The following GABRA2 variants were observed in gnomAD, a reference collection of about 807,000 sequenced individuals.
GABRA2 encodes the protein gamma-aminobutyric acid type A receptor subunit alpha2.
GABRA2 carries 16 observed loss-of-function variants against 48.7 expected under a neutral mutation model. That is an observed-to-expected ratio of 0.33 (90% CI 0.22 to 0.50). GABRA2 has a LOEUF of 0.50. Ranked by LOEUF, GABRA2 falls within the 20% of genes least tolerant of loss-of-function variation. The probability of loss-of-function intolerance (pLI) is 0.98; values close to 1 mark genes in which losing one functional copy is unlikely to be tolerated. For missense variants in GABRA2, 275 were observed against 535.6 expected (o/e 0.51, Z 4.80); for synonymous variants, 185 against 184.5 (o/e 1.00, Z -0.02).
rs575128418 is a variant in GABRA2 at position 46,361,126 on chromosome 4, C to T, written c.187+24948G>A. ...ATTTTCTGAGGAGAAATTTAAGATA[C>T]CTCGAGAAACTTGCATTAGTAATGA... On this transcript the variant is annotated intron_variant, in intron 3 of 9. Transcript: ENST00000381620. Among the ~76,000 whole-genome samples the T allele has an allele frequency of 1.1e-3, 167 of 152,210 alleles. 2 individuals carry two copies. Among genetic ancestry groups the T allele is most frequent in the African/African-American group, 4.0e-3 (165 of 41,516 alleles).
intron 3 of GABRA2, among the ~76,000 whole-genome samples, chr4:46,376,351 C>G (rs1015026413): frequency 6.6e-6 from 1 of 152,096 alleles, no homozygotes; most frequent in South Asian, 2.1e-4. Context: ...GCTTATGGTC[C>G]AATTTATCCA....
Position 46,278,389 on chromosome 4 carries a change from G to C in GABRA2, c.857-16261C>G, listed in dbSNP as rs148779322. ...GTAGAGAAAATCTAGAGTTTAGAGAGGTAGTATAACTTACTCAAGCTAAAC... is the reference window on the plus strand; with the variant it reads ...GTAGAGAAAATCTAGAGTTTAGAGACGTAGTATAACTTACTCAAGCTAAAC... On this transcript the variant is annotated intron_variant, in intron 8 of 9. Transcript: ENST00000381620. Among the ~76,000 whole-genome samples the C allele has an allele frequency of 5.6e-3, 851 of 152,206 alleles. 4 individuals are homozygous for C. The highest frequency in any genetic ancestry group is 0.019 in the African/African-American group (804 of 41,528).
At chr4:46,270,830 A>G (rs1356580962) in intron 8 of GABRA2, among the ~76,000 whole-genome samples, 2 of 151,870 alleles carry the variant, frequency 1.3e-5, no homozygotes, top group South Asian at 2.1e-4. Flanking sequence ...GTAAAAATAC[A>G]CGCTGAGAAG....
chr4:46,358,308 G>A (rs528879163), intron 3 of GABRA2, among the ~76,000 whole-genome samples: 5 of 152,168 alleles, frequency 3.3e-5, no homozygotes, highest in South Asian at 2.1e-4. Context: ...ACTCTCTAAC[G>A]CTGAACTCAG....
chr4:46,332,821 G>A (rs1421083145), intron 3 of GABRA2, 139 bp from the exon 4 acceptor site: 7 of 539,812 alleles, frequency 1.3e-5, no homozygotes, highest in East Asian at 3.0e-5. Context: ...GTCAACTTTC[G>A]CAACCATAAT....
intron 8 of GABRA2, among the ~76,000 whole-genome samples, chr4:46,281,636 G>A (rs1721555397): frequency 6.6e-6 from 1 of 152,158 alleles, no homozygotes; most frequent in Non-Finnish European, 1.5e-5. Context: ...TAGCAGTGTG[G>A]CAGACCTTGC....
chr4:46,306,506 T>A (rs1726723514), intron 6 of GABRA2, among the ~76,000 whole-genome samples: 1 of 152,168 alleles, frequency 6.6e-6, no homozygotes, highest in Non-Finnish European at 1.5e-5. Flanking sequence ...TTTTCTTACA[T>A]CTCTATGCCC....
intron 3 of GABRA2, among the ~76,000 whole-genome samples, chr4:46,344,036 T>A (rs1014804437): frequency 4.6e-5 from 7 of 151,992 alleles, no homozygotes; most frequent in African/African-American, 1.7e-4. Flanking sequence ...TGTTCCATGA[T>A]GCTAGCTATT....
intron 6 of GABRA2, among the ~76,000 whole-genome samples, 174 bp downstream of exon 6, chr4:46,309,996 TATA>T (rs1186298001): frequency 6.6e-6 from 1 of 152,196 alleles, no homozygotes; most frequent in Non-Finnish European, 1.5e-5. Flanking sequence ...ATGATTAAAT[TATA>T]ATAATATTTG....
At chr4:46,344,473 T>C (rs972140515) in intron 3 of GABRA2, among the ~76,000 whole-genome samples, 2 of 151,904 alleles carry the variant, frequency 1.3e-5, no homozygotes, top group African/African-American at 4.8e-5. Context: ...GAAATTTGAC[T>C]GTGAAGGGTA....
intron 8 of GABRA2, among the ~76,000 whole-genome samples, chr4:46,268,398 T>C (rs940883494): frequency 6.6e-6 from 1 of 151,840 alleles, no homozygotes; most frequent in Non-Finnish European, 1.5e-5. Context: ...TCAAAAGATA[T>C]TCCTCAAGGG....
chr4:46,271,375 A>C (rs146318842), intron 8 of GABRA2, among the ~76,000 whole-genome samples: 27 of 152,196 alleles, frequency 1.8e-4, no homozygotes, highest in African/African-American at 6.3e-4. Flanking sequence ...GCAAAACCTG[A>C]GCTATGCATA....
chr4:46,320,747 C>T (rs928670040), intron 4 of GABRA2, among the ~76,000 whole-genome samples: 2 of 151,778 alleles, frequency 1.3e-5, no homozygotes, highest in South Asian at 2.1e-4. Context: ...CAAGAGATAA[C>T]GAGTGTTGGC....
At chr4:46,352,616 C>T (rs1239329226) in intron 3 of GABRA2, among the ~76,000 whole-genome samples, 5 of 152,000 alleles carry the variant, frequency 3.3e-5, no homozygotes, top group African/African-American at 2.4e-5. Context: ...TAACGGAGAT[C>T]CACTTCTGCC....
At chr4:46,378,248 C>A (rs1409397082) in intron 3 of GABRA2, among the ~76,000 whole-genome samples, 6 of 152,174 alleles carry the variant, frequency 3.9e-5, no homozygotes, top group African/African-American at 1.4e-4. Flanking sequence ...ACTGAGAAAT[C>A]GGATGGTTGC....
At chr4:46,354,464 T>C (rs536414188) in intron 3 of GABRA2, among the ~76,000 whole-genome samples, 5 of 152,186 alleles carry the variant, frequency 3.3e-5, no homozygotes, top group Non-Finnish European at 7.3e-5. Flanking sequence ...TCATAATATC[T>C]ATAGAAAAAG....
intron 4 of GABRA2, among the ~76,000 whole-genome samples, chr4:46,321,434 C>T (rs1006646075): frequency 3.3e-5 from 5 of 151,954 alleles, no homozygotes; most frequent in Non-Finnish European, 5.9e-5. Context: ...TAGCCACTTA[C>T]TATTATAAGT....
At chr4:46,353,838 A>G (rs1735546079) in intron 3 of GABRA2, among the ~76,000 whole-genome samples, 1 of 152,062 alleles carries the variant, frequency 6.6e-6, no homozygotes, top group African/African-American at 2.4e-5. Context: ...TCTCCGTAGC[A>G]TTCGATACTT....
chr4:46,273,502 C>CATATATATATATATATATATATATGCAT, intron 8 of GABRA2, among the ~76,000 whole-genome samples: 1 of 48,140 alleles, frequency 2.1e-5, no homozygotes, highest in East Asian at 5.6e-4. Flanking sequence ...TATATATATG[C>CATATATATATATATATATATATATGCAT]ATATATATAT....
Sources: gnomAD v4.1 joint callset for allele counts (sites outside exome capture counted in the v4.1 genomes callset) on GRCh38, gnomAD v4.1.1 for gene constraint, MANE v1.5 for transcripts, NCBI Gene and HGNC (gene_info 2026-07-23, HGNC 2026-07-21) for gene names.